CD82: variants seen among roughly 807,000 people sequenced by gnomAD.
CD82 encodes the protein CD82 molecule, also known as CD82 antigen.
In CD82, 36 loss-of-function variants were observed where a neutral mutation model predicts 37.4. The observed-to-expected ratio is 0.96, with a 90% CI of 0.74 to 1.27. CD82 has a LOEUF of 1.27. Among genes scored for constraint, CD82 ranks in the 50% most tolerant of loss-of-function variants. The probability of loss-of-function intolerance (pLI) is 0.00; values close to 1 mark genes in which losing one functional copy is unlikely to be tolerated. For missense variants in CD82, 340 were observed against 347.0 expected (o/e 0.98, Z 0.16); for synonymous variants, 158 against 137.4 (o/e 1.15, Z -1.05).
intron 1 of CD82, among the ~76,000 whole-genome samples, chr11:44,583,291 GCT>G (rs1323930008): frequency 6.6e-6 from 1 of 152,226 alleles, no homozygotes; most frequent in East Asian, 1.9e-4. Context: ...ATGCTGGAGG[GCT>G]CCAGGTATCT....
rs115981955 is a variant in CD82 at position 44,599,646 on chromosome 11, A to G, written c.64-512A>G. 2.2e-3 allele frequency among the ~76,000 whole-genome samples: 336 copies of G among 152,330 alleles called. 2 individuals carry two copies. Among genetic ancestry groups the G allele is most frequent in the African/African-American group, 7.9e-3 (327 of 41,584 alleles). ...CGGAATGACTGTTAAGAAGGGTGGGACAGTGGTTGCTGCAGAATGGGGGCA... is the reference window on the plus strand; with the variant it reads ...CGGAATGACTGTTAAGAAGGGTGGGGCAGTGGTTGCTGCAGAATGGGGGCA... On this transcript the variant is annotated intron_variant, in intron 3 of 9. Coordinates refer to ENST00000227155, the MANE Select transcript of CD82 (RefSeq NM_002231.4).
At chr11:44,605,515 C>T (rs1853381542) in intron 6 of CD82, 86 bp downstream of exon 6, 3 of 1,260,706 alleles carry the variant, frequency 2.4e-6, no homozygotes, top group Admixed American at 3.5e-5. Context: ...CAAGGAACCC[C>T]CCCAGTTGTC....
At chr11:44,609,451 ATTGG>A (rs1853449209) in intron 6 of CD82, among the ~76,000 whole-genome samples, 1 of 152,048 alleles carries the variant, frequency 6.6e-6, no homozygotes, top group African/African-American at 2.4e-5. Flanking sequence ...AGCAGAAGAC[ATTGG>A]AGGGGAAGGG....
chr11:44,571,655 A>C (rs564789042), intron 1 of CD82, among the ~76,000 whole-genome samples: 1 of 151,454 alleles, frequency 6.6e-6, no homozygotes, highest in African/African-American at 2.4e-5. Context: ...GCTCACTGCA[A>C]CCTCCACCTC....
In CD82 at chr11:44,619,217, T is replaced by C; in HGVS notation, c.*91T>C. On this transcript the variant is annotated 3_prime_UTR_variant, in exon 10 of 10. Coordinates refer to ENST00000227155, the MANE Select transcript of CD82 (RefSeq NM_002231.4). Reference sequence around the variant, plus strand: ...TCCCTCCTCCAGGCCTGCCTCCCACTTCACTGCGAAGACCCTCTTGCCCAT... The same window carrying C: ...TCCCTCCTCCAGGCCTGCCTCCCACCTCACTGCGAAGACCCTCTTGCCCAT... 9.7e-7 allele frequency: 1 copy of C among 1,030,944 alleles called. No individual in the cohort carries two copies. The highest frequency in any genetic ancestry group is 1.5e-6 in the Non-Finnish European group (1 of 652,386). 63.9% of individuals were successfully genotyped at this position (1,030,944 alleles called of 1,614,324 possible).
intron 7 of CD82, among the ~76,000 whole-genome samples, chr11:44,616,084 A>G (rs1177240066): frequency 6.6e-6 from 1 of 152,032 alleles, no homozygotes; most frequent in African/African-American, 2.4e-5. Context: ...CTGATCTGCA[A>G]TCCTGTGAGG....
In CD82 at chr11:44,587,579, T is replaced by A. The variant is rs7118753; in HGVS notation, c.-21+23T>A. The stretch of plus-strand genomic sequence containing the variant: ...AAGGTAAGTCCTGGGCTGAGAGGAG[T>A]GGTGGGTTGGAGGGGACACACTTGG... On this transcript the variant is annotated intron_variant, in intron 2 of 9. Transcript: ENST00000227155. The A allele has an allele frequency of 0.34, 154,730 of 455,550 alleles. 28,865 individuals carry two copies. The highest frequency in any genetic ancestry group is 0.74 in the East Asian group (10,670 of 14,346). The allele number at this position is 455,550 out of a possible 1,614,324, so 28.2% of individuals were successfully genotyped here.
chr11:44,567,637 G>A, intron 1 of CD82, among the ~76,000 whole-genome samples: 1 of 151,968 alleles, frequency 6.6e-6, no homozygotes, highest in East Asian at 1.9e-4. Flanking sequence ...TGGGGAGGAG[G>A]AGACGTTCAT....
chr11:44,572,409 TATAAAAAAC>T (rs1359647347), intron 1 of CD82, among the ~76,000 whole-genome samples: 1 of 152,268 alleles, frequency 6.6e-6, no homozygotes, highest in African/African-American at 2.4e-5. Flanking sequence ...ACAATGAAGC[TATAAAAAAC>T]ATACCACACA....
At chr11:44,564,573 G>T, upstream of CD82, 1 of 436,096 alleles carries the variant, frequency 2.3e-6, no homozygotes, top group Non-Finnish European at 4.6e-6. Flanking sequence ...GGGCACCGCA[G>T]CCACCTAGAG....
Position 44,615,343 on chromosome 11 carries a change from G to A in CD82, c.408G>A (p.Leu136=). 1 of 1,613,460 alleles carries A rather than the reference G, an allele frequency of 6.2e-7. No homozygotes were observed. Among genetic ancestry groups the A allele is most frequent in the Non-Finnish European group, 8.5e-7 (1 of 1,179,388 alleles). The part of the protein sequence containing the change: ...RDYNSSREDS[L]QDAWDYVQAQ... ...ACAACAGCAGTCGCGAGGACAGCCT[G>A]CAGGATGCCTGGGACTACGTGCAGG... Residue 136 remains leucine (L), a synonymous_variant, in exon 7 of 10, where the codon CTG becomes CTA. Transcript: ENST00000227155.
At chr11:44,604,805 T>TA in intron 4 of CD82, 1 of 540,080 alleles carries the variant, frequency 1.9e-6, no homozygotes, top group East Asian at 3.3e-5. Context: ...TGAGAAGCCT[T>TA]ACGAAGTAAA....
At chr11:44,615,011 C>T (rs944243893) in intron 6 of CD82, among the ~76,000 whole-genome samples, 2 of 152,134 alleles carry the variant, frequency 1.3e-5, no homozygotes, top group Non-Finnish European at 2.9e-5. Context: ...GTGGGAGGCC[C>T]CTACGGGGTT....
rs1002136197 is a variant in CD82 at position 44,572,778 on chromosome 11, G to A, written c.-103+7042G>A. 2.0e-5 allele frequency among the ~76,000 whole-genome samples: 3 copies of A among 152,204 alleles called. No homozygotes were observed. The South Asian group carries it at 6.2e-4, about 32-fold the overall frequency. On this transcript the variant is annotated intron_variant, in intron 1 of 9. Transcript: ENST00000227155. The stretch of plus-strand genomic sequence containing the variant: ...TTTCCTCATCTGTGAAATAGGGATG[G>A]GCTGCTGTGAGGGTTAAATGAGCTA...
At chr11:44,577,400 C>G (rs540279901) in intron 1 of CD82, among the ~76,000 whole-genome samples, 1 of 152,162 alleles carries the variant, frequency 6.6e-6, no homozygotes, top group Non-Finnish European at 1.5e-5. Context: ...TCAGGGAAGA[C>G]TTGCTCCTCT....
At chr11:44,577,676 T>C (rs73454712) in intron 1 of CD82, among the ~76,000 whole-genome samples, 6,439 of 152,236 alleles carry the variant, frequency 0.042, 159 homozygotes, top group Middle Eastern at 0.075. Context: ...AGGAAGCTAC[T>C]TTCCTCGTTG....
intron 1 of CD82, among the ~76,000 whole-genome samples, chr11:44,580,284 T>A (rs1852961601): frequency 1.3e-5 from 2 of 152,228 alleles, no homozygotes; most frequent in Admixed American, 6.5e-5. Context: ...CACTTTGCCT[T>A]CACTCTGTCT....
chr11:44,588,442 T>TGTA (rs1293545288), intron 2 of CD82, among the ~76,000 whole-genome samples: 3 of 152,170 alleles, frequency 2.0e-5, no homozygotes, highest in African/African-American at 7.2e-5. Context: ...CAGGCTGGTC[T>TGTA]CGAACTCCTG....
chr11:44,591,432 G>A (rs1450704177), intron 2 of CD82, among the ~76,000 whole-genome samples: 1 of 152,240 alleles, frequency 6.6e-6, no homozygotes, highest in Non-Finnish European at 1.5e-5. Flanking sequence ...TACCAGCCCA[G>A]CCACGTCTGC....
Sources: gnomAD v4.1 joint callset for allele counts (sites outside exome capture counted in the v4.1 genomes callset) on GRCh38, gnomAD v4.1.1 for gene constraint, MANE v1.5 for transcripts, NCBI Gene and HGNC (gene_info 2026-07-23, HGNC 2026-07-21) for gene names.